Variants in ADK observed in about 807,000 individuals in gnomAD.
The protein encoded by ADK is N6,N6-dimethyladenosine kinase.
A neutral mutation model predicts 44.7 loss-of-function variants in ADK; 24 were observed. The ratio of observed to expected loss-of-function variants is 0.54; its 90% CI spans 0.39 to 0.76. ADK has a LOEUF of 0.76. Among genes scored for constraint, ADK ranks in the 30% least tolerant of loss-of-function variants. The pLI is 0.00. For synonymous variants in ADK, 128 were observed against 142.6 expected (o/e 0.90, Z 0.73); for missense variants, 321 against 425.1 (o/e 0.76, Z 2.15).
intron 3 of ADK, among the ~76,000 whole-genome samples, chr10:74,298,771 A>C (rs984286715): frequency 4.8e-5 from 4 of 83,790 alleles, no homozygotes; most frequent in African/African-American, 1.3e-4. Flanking sequence ...AAACAAAAAC[A>C]AAAACAAACC....
intron 9 of ADK, among the ~76,000 whole-genome samples, chr10:74,622,826 G>A (rs1408186611): frequency 6.6e-6 from 1 of 152,106 alleles, no homozygotes; most frequent in Non-Finnish European, 1.5e-5. Context: ...TGACCAACCT[G>A]GAGAAACCCT....
chr10:74,476,264 C>T (rs553532198), intron 6 of ADK, among the ~76,000 whole-genome samples: 5 of 152,146 alleles, frequency 3.3e-5, no homozygotes, highest in Non-Finnish European at 2.9e-5. Context: ...GAGGCTGAGG[C>T]GGGCAGATCA....
chr10:74,643,296 T>C (rs1466047193), intron 9 of ADK, among the ~76,000 whole-genome samples: 4 of 152,254 alleles, frequency 2.6e-5, no homozygotes, highest in Non-Finnish European at 5.9e-5. Context: ...TTTCCTTCTC[T>C]TGGACATAAA....
chr10:74,432,626 A>G (rs191464447), intron 6 of ADK, among the ~76,000 whole-genome samples: 26 of 152,234 alleles, frequency 1.7e-4, no homozygotes, highest in African/African-American at 5.3e-4. Flanking sequence ...AATTTTCTTC[A>G]TGACACGGGA....
chr10:74,341,443 T>C (rs1841579091), intron 4 of ADK, among the ~76,000 whole-genome samples: 1 of 151,630 alleles, frequency 6.6e-6, no homozygotes, highest in African/African-American at 2.4e-5. Flanking sequence ...GGAGAATCAC[T>C]TGAACCTGGG....
At chr10:74,621,673 G>T (rs1852999088) in intron 9 of ADK, among the ~76,000 whole-genome samples, 1 of 151,980 alleles carries the variant, frequency 6.6e-6, no homozygotes, top group African/African-American at 2.4e-5. Flanking sequence ...ATATAGGTCT[G>T]TTTTTTTGTT....
At chr10:74,534,732 TC>T (rs1447841700) in intron 7 of ADK, among the ~76,000 whole-genome samples, 1 of 152,198 alleles carries the variant, frequency 6.6e-6, no homozygotes, top group Non-Finnish European at 1.5e-5. Flanking sequence ...AAGTTTCACT[TC>T]ACTTTAACTT....
intron 6 of ADK, among the ~76,000 whole-genome samples, chr10:74,442,282 A>G (rs1386108483): frequency 6.6e-6 from 1 of 150,756 alleles, no homozygotes; most frequent in Non-Finnish European, 1.5e-5. Context: ...AGATTATGAA[A>G]AACAATACGA....
chr10:74,203,951 CTT>C lies in ADK; in HGVS notation c.140+3134_140+3135del, dbSNP rs760810639. On this transcript the variant is annotated intron_variant, in intron 2 of 10. Transcript: ENST00000539909. ...AGAATGTCTTTCCATTTATTTAGGT[CTT>C]TTTTTTTTTTTTTTTTTTTTGGAGA... Among the ~76,000 whole-genome samples, 361 of 95,798 alleles carry C rather than the reference CTT, an allele frequency of 3.8e-3. 2 individuals are homozygous for C. Among genetic ancestry groups the C allele is most frequent in the African/African-American group, 0.014 (336 of 24,004 alleles). 62.8% of individuals were successfully genotyped at this position (95,798 alleles called of 152,430 possible). A position where few individuals can be genotyped will look rare whatever the true frequency, so the allele number is the denominator to read the frequency against.
At chr10:74,658,454 T>G (rs1854573355) in intron 9 of ADK, among the ~76,000 whole-genome samples, 1 of 152,096 alleles carries the variant, frequency 6.6e-6, no homozygotes, top group South Asian at 2.1e-4. Context: ...GTTTTTGATG[T>G]AGGATCTCCC....
chr10:74,478,050 A>T (rs1846923841), intron 6 of ADK, among the ~76,000 whole-genome samples: 1 of 152,156 alleles, frequency 6.6e-6, no homozygotes, highest in Admixed American at 6.6e-5. Context: ...GGTAATAGAC[A>T]TTGCTCTTTT....
chr10:74,360,282 C>T (rs1367712551), intron 4 of ADK, among the ~76,000 whole-genome samples: 3 of 151,652 alleles, frequency 2.0e-5, no homozygotes, highest in Non-Finnish European at 4.4e-5. Context: ...TATTTCTAGT[C>T]TAATAATGTA....
intron 6 of ADK, among the ~76,000 whole-genome samples, chr10:74,403,632 C>T (rs1162328187): frequency 6.6e-6 from 1 of 152,122 alleles, no homozygotes; most frequent in Non-Finnish European, 1.5e-5. Context: ...CCTGATTTTC[C>T]AGGTACCGTC....
chr10:74,698,859 T>G (rs1440068288), intron 10 of ADK, among the ~76,000 whole-genome samples: 2 of 151,590 alleles, frequency 1.3e-5, no homozygotes, highest in East Asian at 1.9e-4. Flanking sequence ...AGGCCTGACT[T>G]GTTTTTGTTT....
intron 9 of ADK, among the ~76,000 whole-genome samples, chr10:74,662,853 T>A (rs1854791763): frequency 6.6e-6 from 1 of 152,172 alleles, no homozygotes; most frequent in Non-Finnish European, 1.5e-5. Flanking sequence ...AGTGAGGAAG[T>A]AATACCTATG....
At chr10:74,364,844 C>T (rs1245163158) in intron 4 of ADK, among the ~76,000 whole-genome samples, 1 of 151,882 alleles carries the variant, frequency 6.6e-6, no homozygotes, top group African/African-American at 2.4e-5. Context: ...GGGAGTTTTA[C>T]AGAATCTACA....
At chr10:74,463,967 A>G (rs1846262352) in intron 6 of ADK, among the ~76,000 whole-genome samples, 1 of 152,226 alleles carries the variant, frequency 6.6e-6, no homozygotes, top group African/African-American at 2.4e-5. Context: ...AAACTTATTA[A>G]CAGGAAATTT....
chr10:74,580,303 C>T (rs147529471), intron 7 of ADK, among the ~76,000 whole-genome samples: 135 of 152,126 alleles, frequency 8.9e-4, no homozygotes, highest in Admixed American at 2.4e-3. Flanking sequence ...TGGCCAGGCA[C>T]GGTGGCTCAC....
chr10:74,418,152 C>CT (rs1244037034), intron 6 of ADK, among the ~76,000 whole-genome samples: 1 of 152,096 alleles, frequency 6.6e-6, no homozygotes, highest in Non-Finnish European at 1.5e-5. Context: ...GAACATTGGC[C>CT]TTTTGTACTC....
Sources: gnomAD v4.1 joint callset for allele counts (sites outside exome capture counted in the v4.1 genomes callset) on GRCh38, gnomAD v4.1.1 for gene constraint, MANE v1.5 for transcripts, NCBI Gene and HGNC (gene_info 2026-07-23, HGNC 2026-07-21) for gene names.